SNTB1: variants seen among roughly 807,000 people sequenced by gnomAD.
SNTB1 encodes beta-1-syntrophin.
SNTB1 carries 36 observed loss-of-function variants against 48.9 expected under a neutral mutation model. The observed-to-expected ratio is 0.74, with a 90% CI of 0.56 to 0.97. The LOEUF (loss-of-function observed/expected upper bound fraction) is 0.97, where lower values mean the gene tolerates loss of function less well. Ranked by LOEUF, SNTB1 falls within the 50% of genes least tolerant of loss-of-function variation. The pLI, the probability that SNTB1 is intolerant of heterozygous loss-of-function variation, is 0.00. For synonymous variants in SNTB1, 299 were observed against 294.6 expected (o/e 1.01, Z -0.15); for missense variants, 786 against 703.4 (o/e 1.12, Z -1.33).
chr8:120,636,690 C>T (rs13268541), intron 2 of SNTB1, among the ~76,000 whole-genome samples: 34,032 of 149,304 alleles, frequency 0.23, 3,710 homozygotes, highest in Middle Eastern at 0.3. Context: ...GTGAATAATG[C>T]CACAATAAAC....
At chr8:120,627,841 G>A (rs1346152731) in intron 3 of SNTB1, among the ~76,000 whole-genome samples, 1 of 152,178 alleles carries the variant, frequency 6.6e-6, no homozygotes, top group Non-Finnish European at 1.5e-5. Flanking sequence ...AGTGGAAAGT[G>A]CTGGACTTTG....
intron 4 of SNTB1, among the ~76,000 whole-genome samples, chr8:120,553,893 G>A (rs1035281119): frequency 6.6e-6 from 1 of 152,154 alleles, no homozygotes; most frequent in Admixed American, 6.5e-5. Flanking sequence ...AGCTACTCGG[G>A]AGGCTGAGGC....
rs925492421 is a variant in SNTB1 at position 120,578,183 on chromosome 8, G to A, written c.997-2958C>T. Reference sequence around the variant, plus strand: ...CAAGTAGCTGGGACTACAGGCGCCCGCCATCACGCCCGGCTAATTTTTTTT... The same window carrying A: ...CAAGTAGCTGGGACTACAGGCGCCCACCATCACGCCCGGCTAATTTTTTTT... On this transcript the variant is annotated intron_variant, in intron 3 of 6. Coordinates refer to ENST00000517992, the MANE Select transcript of SNTB1 (RefSeq NM_021021.4). Among the ~76,000 whole-genome samples, 5 of 150,128 alleles carry A rather than the reference G, an allele frequency of 3.3e-5. No individual in the cohort carries two copies. In the East Asian group the frequency reaches 5.8e-4, roughly 18 times the overall value.
At chr8:120,711,494 C>A (rs763778015) in intron 1 of SNTB1, among the ~76,000 whole-genome samples, 64 of 152,126 alleles carry the variant, frequency 4.2e-4, no homozygotes, top group Non-Finnish European at 7.2e-4. Context: ...TCCTGGGCCT[C>A]CTCGCTTCCC....
intron 2 of SNTB1, among the ~76,000 whole-genome samples, chr8:120,663,968 A>G (rs1362793092): frequency 6.6e-6 from 1 of 152,234 alleles, no homozygotes; most frequent in Admixed American, 6.5e-5. Flanking sequence ...ACTGAACTCA[A>G]AAATTACCCA....
chr8:120,658,542 C>A (rs10094441), intron 2 of SNTB1, among the ~76,000 whole-genome samples: 3,474 of 152,152 alleles, frequency 0.023, 118 homozygotes, highest in African/African-American at 0.08. Flanking sequence ...TTTGGTTTCC[C>A]AGTGCATGTA....
chr8:120,607,227 A>C, intron 3 of SNTB1, among the ~76,000 whole-genome samples: 1 of 152,216 alleles, frequency 6.6e-6, no homozygotes, highest in East Asian at 1.9e-4. Flanking sequence ...CACAAGGAAA[A>C]ATTTAAAAAT....
At position 120,697,460 on chromosome 8, in the gene SNTB1, T is replaced by C. The variant is rs573373881; in HGVS notation, c.572-3552A>G. Among the ~76,000 whole-genome samples, 73 of 152,206 alleles carry C rather than the reference T, an allele frequency of 4.8e-4. 1 individual carries two copies. Among genetic ancestry groups the C allele is most frequent in the Non-Finnish European group, 2.1e-4 (14 of 68,038 alleles). On this transcript the variant is annotated intron_variant, in intron 1 of 6. Coordinates refer to ENST00000517992, the MANE Select transcript of SNTB1 (RefSeq NM_021021.4). Reference sequence around the variant, plus strand: ...GGTATAATAAGAAATGGTCCATGATTAGAAGTTTAAGCCAGGAAAAAGGGA... The same window carrying C: ...GGTATAATAAGAAATGGTCCATGATCAGAAGTTTAAGCCAGGAAAAAGGGA...
chr8:120,658,722 A>G (rs1003048044), intron 2 of SNTB1, among the ~76,000 whole-genome samples: 6 of 152,214 alleles, frequency 3.9e-5, no homozygotes, highest in African/African-American at 1.2e-4. Context: ...CCTTGCCTCA[A>G]TGCTGATGGC....
intron 3 of SNTB1, among the ~76,000 whole-genome samples, chr8:120,606,086 T>C (rs1433175724): frequency 6.6e-6 from 1 of 151,774 alleles, no homozygotes; most frequent in African/African-American, 2.4e-5. Flanking sequence ...TAAGTATAAA[T>C]AGATCAGACT....
chr8:120,659,073 C>T (rs1046296122), intron 2 of SNTB1, among the ~76,000 whole-genome samples: 1 of 151,960 alleles, frequency 6.6e-6, no homozygotes, highest in African/African-American at 2.4e-5. Context: ...AAGTGATTCT[C>T]CTGCCTTAGC....
Position 120,712,628 on chromosome 8 carries a change from T to C in SNTB1, c.572-18720A>G, listed in dbSNP as rs112513736. On this transcript the variant is annotated intron_variant, in intron 1 of 6. Transcript: ENST00000517992. ...GCTCAGTGCAGACGAAAATGTCACATTGTAAGCCACTGTAATAACATGGTA... is the reference window on the plus strand; with the variant it reads ...GCTCAGTGCAGACGAAAATGTCACACTGTAAGCCACTGTAATAACATGGTA... 4.3e-3 allele frequency among the ~76,000 whole-genome samples: 652 copies of C among 152,202 alleles called. 6 individuals carry two copies. The highest frequency in any genetic ancestry group is 0.024 in the Middle Eastern group (7 of 294).
At chr8:120,588,934 G>C (rs1462378208) in intron 3 of SNTB1, among the ~76,000 whole-genome samples, 2 of 152,126 alleles carry the variant, frequency 1.3e-5, no homozygotes, top group African/African-American at 4.8e-5. Flanking sequence ...ACTATTGTTT[G>C]AGCATATCTG....
chr8:120,580,271 G>T (rs762906176), intron 3 of SNTB1, among the ~76,000 whole-genome samples: 1 of 152,136 alleles, frequency 6.6e-6, no homozygotes, highest in Non-Finnish European at 1.5e-5. Context: ...ATGGCAGGAA[G>T]AGCTCACAGT....
chr8:120,716,252 A>ATTCT (rs1818556311), intron 1 of SNTB1, among the ~76,000 whole-genome samples: 1 of 152,248 alleles, frequency 6.6e-6, no homozygotes, highest in Admixed American at 6.5e-5. Flanking sequence ...AGAAGAATAT[A>ATTCT]TTCTGTGCAG....
At chr8:120,595,295 C>T (rs572950377) in intron 3 of SNTB1, among the ~76,000 whole-genome samples, 86 of 152,282 alleles carry the variant, frequency 5.6e-4, no homozygotes, top group Non-Finnish European at 1.1e-3. Context: ...TCATAAAGAC[C>T]TTGTGGATAA....
chr8:120,773,135 G>A (rs1451447178), intron 1 of SNTB1, among the ~76,000 whole-genome samples: 2 of 152,164 alleles, frequency 1.3e-5, no homozygotes, highest in African/African-American at 2.4e-5. Context: ...CAAGGCAACT[G>A]GAACTGAGAT....
intron 3 of SNTB1, among the ~76,000 whole-genome samples, chr8:120,606,705 G>T (rs1181707311): frequency 6.6e-6 from 1 of 152,156 alleles, no homozygotes; most frequent in Non-Finnish European, 1.5e-5. Context: ...GAATCAAGTG[G>T]TGGTGAGAAT....
intron 1 of SNTB1, among the ~76,000 whole-genome samples, chr8:120,759,442 T>G (rs1819375484): frequency 6.6e-6 from 1 of 152,198 alleles, no homozygotes; most frequent in Non-Finnish European, 1.5e-5. Context: ...ATGAGTCCAC[T>G]CTTTCCTTAA....
Sources: allele counts gnomAD v4.1 joint callset (sites outside exome capture counted in the v4.1 genomes callset), GRCh38; gene constraint gnomAD v4.1.1; transcripts MANE v1.5; gene names NCBI Gene and HGNC (gene_info 2026-07-23, HGNC 2026-07-21).